WDR26: variants seen among roughly 807,000 people sequenced by gnomAD.
The protein encoded by WDR26 is WD repeat domain 26.
A neutral mutation model predicts 84.1 loss-of-function variants in WDR26; 5 were observed. The observed-to-expected ratio is 0.06, with a 90% confidence interval of 0.03 to 0.13. The LOEUF is 0.13. Among genes scored for constraint, WDR26 ranks in the 10% least tolerant of loss-of-function variants. WDR26 has a pLI of 1.00. For missense variants in WDR26, 642 were observed against 974.9 expected, an observed-to-expected ratio of 0.66 and a Z score of 4.55; for synonymous variants, 415 against 389.6, an observed-to-expected ratio of 1.07 and a Z score of -0.77.
intron 1 of WDR26, 77 bp downstream of exon 1, chr1:224,433,607 T>TCCCCCCC: frequency 4.0e-6 from 1 of 250,548 alleles, no homozygotes; most frequent in South Asian, 6.4e-5. Context: ...CCCTCCCCCC[T>TCCCCCCC]CCGCCCCTTC....
At chr1:224,425,575 G>A (rs377670104) in intron 3 of WDR26, among the ~76,000 whole-genome samples, 2 of 152,202 alleles carry the variant, frequency 1.3e-5, no homozygotes, top group Non-Finnish European at 2.9e-5. Flanking sequence ...TTGAAACCAC[G>A]TGGTCACAAT....
rs1271829905 is a variant in WDR26 at position 224,387,498 on chromosome 1, A to G, written c.*2337T>C. On this transcript the variant is annotated 3_prime_UTR_variant, in exon 14 of 14. Transcript: ENST00000414423. ...TTGTTACTCCGTTTTAATAGGAGTT[A>G]TGTTCTTGTAAAATGTGCCTCACTT... is the stretch of plus-strand genomic sequence containing the variant. The G allele has an allele frequency of 6.6e-6, 1 of 152,634 alleles. No homozygotes were observed. The highest frequency in any genetic ancestry group is 1.5e-5 in the Non-Finnish European group (1 of 68,036). 9.5% of individuals were successfully genotyped at this position (152,634 alleles called of 1,614,324 possible).
At chr1:224,418,226 G>C in intron 6 of WDR26, 34 bp downstream of exon 6, 1 of 1,564,918 alleles carries the variant, frequency 6.4e-7, no homozygotes, top group Non-Finnish European at 8.6e-7. Flanking sequence ...TAAAATGTTA[G>C]GCTGTTTCAG....
intron 8 of WDR26, among the ~76,000 whole-genome samples, chr1:224,403,165 G>A (rs1164032309): frequency 6.6e-6 from 1 of 151,844 alleles, no homozygotes. Context: ...CGATTCTCCT[G>A]CCTCAGCCTC....
intron 9 of WDR26, among the ~76,000 whole-genome samples, chr1:224,400,001 G>A (rs995345533): frequency 1.3e-5 from 2 of 152,068 alleles, no homozygotes; most frequent in East Asian, 1.9e-4. Context: ...AAATGTGGAC[G>A]TGCATACTGG....
chr1:224,413,207 A>AC (rs1426570664), intron 6 of WDR26: 2 of 639,494 alleles, frequency 3.1e-6, no homozygotes, highest in Admixed American at 4.4e-5. Context: ...AACAACAAAA[A>AC]CCCCCCCCCC....
At chr1:224,395,955 G>T (rs1391778331) in intron 12 of WDR26, among the ~76,000 whole-genome samples, 1 of 152,280 alleles carries the variant, frequency 6.6e-6, no homozygotes, top group South Asian at 2.1e-4. Context: ...TTGGGAAACG[G>T]TTTTTAATTG....
chr1:224,407,291 GTGGAAATAA>G (rs1558426429), intron 7 of WDR26, among the ~76,000 whole-genome samples: 2,793 of 145,972 alleles, frequency 0.019, 29 homozygotes, highest in Non-Finnish European at 0.03. Flanking sequence ...TTTATTCAAA[GTGGAAATAA>G]CATGTTTGTG....
chr1:224,411,295 A>G (rs1162337599), intron 7 of WDR26, 132 bp downstream of exon 7: 3 of 920,368 alleles, frequency 3.3e-6, no homozygotes, highest in Non-Finnish European at 4.6e-6. Flanking sequence ...ACACATGAAG[A>G]TGTAAAAATG....
intron 6 of WDR26, among the ~76,000 whole-genome samples, chr1:224,415,277 G>A (rs1050599335): frequency 3.3e-5 from 5 of 152,082 alleles, no homozygotes; most frequent in Non-Finnish European, 5.9e-5. Flanking sequence ...AGAGGGAAAG[G>A]AAGTTCTGTT....
chr1:224,416,388 C>T (rs747527653), intron 6 of WDR26, among the ~76,000 whole-genome samples: 48 of 151,976 alleles, frequency 3.2e-4, no homozygotes, highest in Non-Finnish European at 3.4e-4. Flanking sequence ...CCACCACGCC[C>T]GGCTAATTTT....
At position 224,393,812 on chromosome 1, in the gene WDR26, T is replaced by C. The variant is rs759505760; in HGVS notation, c.2260+16A>G. 54 of 1,500,950 alleles carry C rather than the reference T, an allele frequency of 3.6e-5. No homozygotes were observed. The South Asian group carries it at 6.9e-4, about 19-fold the overall frequency. The allele number at this position is 1,500,950 out of a possible 1,614,324, so 93.0% of individuals were successfully genotyped here. ...TCATTTGGACAAAACATAGTAACATTATACAAAGGTATTACCTTCAATATT... is the reference window on the plus strand; with the variant it reads ...TCATTTGGACAAAACATAGTAACATCATACAAAGGTATTACCTTCAATATT... On this transcript the variant is annotated intron_variant, in intron 13 of 13. Coordinates refer to ENST00000414423, the MANE Select transcript of WDR26 (RefSeq NM_001379403.1).
intron 13 of WDR26, among the ~76,000 whole-genome samples, chr1:224,392,278 G>A (rs1572153683): frequency 6.6e-6 from 1 of 151,612 alleles, no homozygotes; most frequent in Non-Finnish European, 1.5e-5. Context: ...GGAGAATGGC[G>A]TGAACCCAGG....
chr1:224,394,046 C>T, intron 12 of WDR26, 33 bp from the exon 13 acceptor site: 1 of 1,397,082 alleles, frequency 7.2e-7, no homozygotes, highest in Non-Finnish European at 9.5e-7. Context: ...AAAAGTTTTA[C>T]ATTAATAAAA....
At chr1:224,431,834 C>T (rs1674400540) in intron 1 of WDR26, 53 bp from the exon 2 acceptor site, 1 of 1,403,918 alleles carries the variant, frequency 7.1e-7, no homozygotes, top group East Asian at 2.4e-5. Context: ...GGGTTTTAAT[C>T]CTTCAAATAA....
At chr1:224,426,314 T>A (rs1297233476) in intron 3 of WDR26, among the ~76,000 whole-genome samples, 1 of 152,220 alleles carries the variant, frequency 6.6e-6, no homozygotes, top group East Asian at 1.9e-4. Context: ...TGTAAGCTTA[T>A]AAAAGTGGTT....
chr1:224,391,207 A>G (rs1673114483), intron 13 of WDR26, among the ~76,000 whole-genome samples: 1 of 151,842 alleles, frequency 6.6e-6, no homozygotes, highest in South Asian at 2.1e-4. Context: ...TCTTTACTAA[A>G]AATACAAAAT....
At chr1:224,398,438 A>C in intron 11 of WDR26, 77 bp downstream of exon 11, 1 of 1,366,210 alleles carries the variant, frequency 7.3e-7, no homozygotes, top group Middle Eastern at 2.4e-4. Context: ...TTGTTAATAT[A>C]AATACACTGA....
intron 4 of WDR26, among the ~76,000 whole-genome samples, chr1:224,421,432 GA>G (rs1298371381): frequency 6.6e-6 from 1 of 151,798 alleles, no homozygotes; most frequent in Admixed American, 6.6e-5. Flanking sequence ...TAAAAATACA[GA>G]AAAAAAATTA....
Sources: allele counts gnomAD v4.1 joint callset (sites outside exome capture counted in the v4.1 genomes callset), GRCh38; gene constraint gnomAD v4.1.1; transcripts MANE v1.5; gene names NCBI Gene and HGNC (gene_info 2026-07-23, HGNC 2026-07-21).